TNC: variants seen among roughly 807,000 people sequenced by gnomAD.
The protein encoded by TNC is tenascin.
A neutral mutation model predicts 202.4 loss-of-function variants in TNC; 109 were observed. That is an observed-to-expected ratio of 0.54 (90% CI 0.46 to 0.63). TNC has a LOEUF of 0.63. Among genes scored for constraint, TNC ranks in the 30% least tolerant of loss-of-function variants. The pLI is 0.00. For missense variants in TNC, 2,756 were observed against 2,833.3 expected (o/e 0.97, Z 0.62); for synonymous variants, 1,007 against 1,089.7 (o/e 0.92, Z 1.50).
intron 1 of TNC, among the ~76,000 whole-genome samples, chr9:115,114,336 A>G (rs1837298183): frequency 6.6e-6 from 1 of 152,190 alleles, no homozygotes; most frequent in South Asian, 2.1e-4. Context: ...ACCATTTCCA[A>G]GCTGTCCTGG....
At chr9:115,076,628 G>C in intron 7 of TNC, 53 bp from the exon 8 acceptor site, 1 of 1,587,470 alleles carries the variant, frequency 6.3e-7, no homozygotes, top group Non-Finnish European at 8.6e-7. Context: ...AAGAGAGCAG[G>C]AGTCTTTGAC....
intron 22 of TNC, among the ~76,000 whole-genome samples, chr9:115,034,017 G>A (rs1330809871): frequency 6.6e-6 from 1 of 152,142 alleles, no homozygotes; most frequent in Non-Finnish European, 1.5e-5. Context: ...ACAAAGGTTT[G>A]GTTTGTTTAG....
rs778401034 is a variant in TNC at position 115,049,430 on chromosome 9, C to T, written c.4580-898G>A. Among the ~76,000 whole-genome samples the T allele has an allele frequency of 5.8e-4, 88 of 152,046 alleles. 1 individual carries two copies. The highest frequency in any genetic ancestry group is 1.0e-4 in the Non-Finnish European group (7 of 68,026). On this transcript the variant is annotated intron_variant, in intron 15 of 27. Transcript: ENST00000350763. ...GATATTGCTACCTGCCTTCCAACCC[C>T]GATCACATCTAAAAAAACCAGAGAG...
In TNC at chr9:115,086,380, C is replaced by T. The variant is rs369887990; in HGVS notation, c.1351G>A (p.Glu451Lys). Reference protein sequence around the residue: ...NDCHSRGRCVEGKCVCEQGFK... With the variant: ...NDCHSRGRCVKGKCVCEQGFK... ...CCTTGCTCACATACACATTTGCCCT[C>T]GACACAGCGGCCCCGACTGTGACAG... The change falls in exon 3 of 28, where the codon GAG (glutamate) becomes AAG (lysine). Residue 451 changes from glutamate to lysine, a missense_variant. Glu to Lys is a moderately conservative substitution (Grantham distance 56, BLOSUM62 1). This residue lies in a region of TNC where 2,559 missense variants were observed against 2,546.0 expected (regional missense o/e 1.01). Transcript: ENST00000350763. 91 of 1,613,898 alleles carry T rather than the reference C, an allele frequency of 5.6e-5. No homozygotes were observed. Among genetic ancestry groups the T allele is most frequent in the African/African-American group, 8.0e-5 (6 of 74,854 alleles).
chr9:115,098,498 C>G (rs1049945616), intron 1 of TNC, among the ~76,000 whole-genome samples: 1 of 152,044 alleles, frequency 6.6e-6, no homozygotes, highest in Non-Finnish European at 1.5e-5. Flanking sequence ...TGATTTTTTC[C>G]CTGGTCACAG....
At position 115,070,553 on chromosome 9, in the gene TNC, T is replaced by C. The variant is rs188988092; in HGVS notation, c.3214+3050A>G. ...GTGTGATAGGTGGCCAGGTTATGCA[T>C]ATTTTTAGTATGGTGCCACATCAAG... On this transcript the variant is annotated intron_variant, in intron 10 of 27. Coordinates refer to ENST00000350763, the MANE Select transcript of TNC (RefSeq NM_002160.4). 5.6e-3 allele frequency among the ~76,000 whole-genome samples: 850 copies of C among 152,330 alleles called. 3 individuals are homozygous for C. Among genetic ancestry groups the C allele is most frequent in the Admixed American group, 8.0e-3 (122 of 15,296 alleles).
At chr9:115,078,321 A>G (rs1736332945) in intron 6 of TNC, 109 bp from the exon 7 acceptor site, 1 of 1,289,384 alleles carries the variant, frequency 7.8e-7, no homozygotes, top group Admixed American at 2.8e-5. Context: ...TACTTATACT[A>G]ACTGCTTGAC....
Position 115,077,996 on chromosome 9 carries a change from A to G in TNC, c.2621T>C (p.Ile874Thr). 1 of 1,614,126 alleles carries G rather than the reference A, an allele frequency of 6.2e-7. No individual in the cohort carries two copies. Among genetic ancestry groups the G allele is most frequent in the Non-Finnish European group, 8.5e-7 (1 of 1,180,022 alleles). Residue 874 changes from isoleucine to threonine, a missense_variant, in exon 7 of 28, where the codon ATC becomes ACC. This residue lies in a region of TNC where 2,559 missense variants were observed against 2,546.0 expected (regional missense o/e 1.01). Coordinates refer to ENST00000350763, the MANE Select transcript of TNC (RefSeq NM_002160.4). ...KPDTEYEVSL[I>T]SRRGDMSSNP... ...GCTTGACATGTCACCTCTGCGGGAG[A>G]TGAGGGACACCTCGTACTCAGTGTC...
chr9:115,111,991 CCT>C (rs1437120284), intron 1 of TNC, among the ~76,000 whole-genome samples: 3 of 152,130 alleles, frequency 2.0e-5, no homozygotes, highest in African/African-American at 7.2e-5. Flanking sequence ...TGTGCTTAGA[CCT>C]CTAGAAACCA....
In TNC at chr9:115,078,161, G is replaced by A; in HGVS notation, c.2456C>T (p.Ala819Val). The change falls in exon 7 of 28, where the codon GCC becomes GTC. Residue 819 changes from alanine to valine, a missense_variant. Physicochemically the swap from Ala to Val is moderately conservative, Grantham distance 64. This residue lies in a region of TNC where 2,559 missense variants were observed against 2,546.0 expected (regional missense o/e 1.01). Coordinates refer to ENST00000350763, the MANE Select transcript of TNC (RefSeq NM_002160.4). ...CAGGGGCTTGAACCAGGTGATCAAG[G>A]CAGTGGTGTCTGTGACATCTTTCAC... is the stretch of plus-strand genomic sequence containing the variant. ...IEVKDVTDTTALITWFKPLAE... is the reference protein window; with the variant it reads ...IEVKDVTDTTVLITWFKPLAE... The A allele has an allele frequency of 6.2e-7, 1 of 1,613,072 alleles. No individual in the cohort carries two copies.
At chr9:115,070,302 C>G (rs1833367749) in intron 10 of TNC, among the ~76,000 whole-genome samples, 2 of 152,154 alleles carry the variant, frequency 1.3e-5, no homozygotes, top group South Asian at 2.1e-4. Context: ...AGGGAGCACG[C>G]TCTGTGAAGT....
At chr9:115,099,484 C>T (rs192679039) in intron 1 of TNC, among the ~76,000 whole-genome samples, 159 of 152,350 alleles carry the variant, frequency 1.0e-3, no homozygotes, top group Non-Finnish European at 2.0e-3. Flanking sequence ...ATTTGAACCA[C>T]ATGGAATCAC....
intron 16 of TNC, among the ~76,000 whole-genome samples, chr9:115,047,890 C>T (rs990068673): frequency 1.3e-5 from 2 of 152,024 alleles, no homozygotes; most frequent in African/African-American, 4.8e-5. Flanking sequence ...GTTTTAAATA[C>T]GTTTTGGAAA....
At chr9:115,084,181 G>C (rs577466905) in intron 4 of TNC, 28 bp downstream of exon 4, 97 of 1,605,490 alleles carry the variant, frequency 6.0e-5, no homozygotes, top group Non-Finnish European at 8.2e-5. Flanking sequence ...ATCAGGTGAG[G>C]CTGCCCAAAA....
intron 10 of TNC, among the ~76,000 whole-genome samples, chr9:115,068,788 A>G (rs1833139408): frequency 6.6e-6 from 1 of 151,972 alleles, no homozygotes; most frequent in Non-Finnish European, 1.5e-5. Flanking sequence ...AAATGTCATT[A>G]CTCTTTCTCC....
At chr9:115,093,893 G>T (rs1588188609) in intron 1 of TNC, among the ~76,000 whole-genome samples, 1 of 152,198 alleles carries the variant, frequency 6.6e-6, no homozygotes, top group Non-Finnish European at 1.5e-5. Flanking sequence ...CTTGAGCATT[G>T]TGTATTTCCT....
chr9:115,046,541 T>G lies in TNC; in HGVS notation c.4994A>C (p.Glu1665Ala). Residue 1665 changes from glutamate (E) to alanine (A), a missense_variant, in exon 17 of 28, where the codon GAA becomes GCA. Physicochemically the swap from Glu to Ala is moderately radical, Grantham distance 107 (BLOSUM62 -1). Around this residue, in one of 2 missense-constraint regions of TNC, gnomAD observed 2,559 missense variants for 2,546.0 expected, o/e 1.01. Transcript: ENST00000350763. ...RDTKKQSEPL[E>A]ITLLAPERTR... ...ACGTTCGGGGGCAAGTAGGGTTATT[T>G]CCAGTGGCTCAGACTGCTTTTTGGT... 6.2e-7 allele frequency: 1 copy of G among 1,614,162 alleles called. No individual in the cohort carries two copies. Among genetic ancestry groups the G allele is most frequent in the East Asian group, 2.2e-5 (1 of 44,878 alleles).
chr9:115,093,092 C>T (rs1835356936), intron 1 of TNC, among the ~76,000 whole-genome samples: 1 of 152,116 alleles, frequency 6.6e-6, no homozygotes. Flanking sequence ...CTGACCATCT[C>T]CTTCCTCATG....
intron 15 of TNC, chr9:115,055,790 A>C: frequency 6.6e-6 from 1 of 152,578 alleles, no homozygotes; most frequent in East Asian, 1.9e-4. Flanking sequence ...GTGTCAATTT[A>C]AAACACCATT....
Sources: allele counts gnomAD v4.1 joint callset (sites outside exome capture counted in the v4.1 genomes callset), GRCh38; gene constraint gnomAD v4.1.1; regional missense constraint gnomAD v4.1.1; transcripts MANE v1.5; gene names NCBI Gene and HGNC (gene_info 2026-07-23, HGNC 2026-07-21).